The following MTCL1 variants were observed in gnomAD, a reference collection of about 807,000 sequenced individuals.
The protein encoded by MTCL1 is microtubule crosslinking factor 1.
Under a neutral mutation model 141.4 loss-of-function variants are expected in MTCL1, and 79 were observed. The ratio of observed to expected loss-of-function variants is 0.56; its 90% confidence interval spans 0.47 to 0.67. The LOEUF is 0.67. Ranked by LOEUF, MTCL1 falls within the 30% of genes least tolerant of loss-of-function variation. The pLI is 0.00. For missense variants in MTCL1, 2,177 were observed against 2,113.9 expected (o/e 1.03, Z -0.59); for synonymous variants, 914 against 875.8 (o/e 1.04, Z -0.77).
At chr18:8,776,245 G>A (rs1237735968) in intron 4 of MTCL1, among the ~76,000 whole-genome samples, 1 of 152,170 alleles carries the variant, frequency 6.6e-6, no homozygotes, top group Non-Finnish European at 1.5e-5. Context: ...GTCTGGGGCC[G>A]GCAGAGCTCT....
chr18:8,802,431 G>A (rs2076153021), intron 10 of MTCL1: 1 of 152,172 alleles, frequency 6.6e-6, no homozygotes, highest in African/African-American at 2.4e-5. Flanking sequence ...TGGTGGTTTA[G>A]CTCTTTTGTG....
chr18:8,712,038 G>A (rs1211256121), intron 1 of MTCL1, among the ~76,000 whole-genome samples: 1 of 152,122 alleles, frequency 6.6e-6, no homozygotes, highest in Non-Finnish European at 1.5e-5. Flanking sequence ...GCATTTATGA[G>A]CCTATTTTGA....
At chr18:8,726,002 A>G (rs1479225349) in intron 4 of MTCL1, among the ~76,000 whole-genome samples, 1 of 151,772 alleles carries the variant, frequency 6.6e-6, no homozygotes, top group Non-Finnish European at 1.5e-5. Context: ...CATGTTAGCC[A>G]GGATGGTCTC....
At chr18:8,794,521 C>T (rs1033006212) in intron 8 of MTCL1, among the ~76,000 whole-genome samples, 1 of 152,170 alleles carries the variant, frequency 6.6e-6, no homozygotes, top group East Asian at 1.9e-4. Context: ...TCCCGTGGTG[C>T]GGGTCCGGGT....
chr18:8,800,507 T>C (rs2076082778), intron 10 of MTCL1: 1 of 152,214 alleles, frequency 6.6e-6, no homozygotes, highest in African/African-American at 2.4e-5. Context: ...TTGGCAAACA[T>C]TTGGCTCCGC....
intron 1 of MTCL1, 58 bp downstream of exon 1, chr18:8,706,771 C>A: frequency 6.5e-7 from 1 of 1,534,528 alleles, no homozygotes; most frequent in South Asian, 1.2e-5. Context: ...CTGGCTGCGG[C>A]GGGGACCCGC....
chr18:8,761,857 T>C (rs770163858), intron 4 of MTCL1, among the ~76,000 whole-genome samples: 1 of 152,190 alleles, frequency 6.6e-6, no homozygotes, highest in Non-Finnish European at 1.5e-5. Context: ...TCTGGGTCCC[T>C]CCCACAACAT....
intron 4 of MTCL1, among the ~76,000 whole-genome samples, chr18:8,736,250 TCATG>T (rs1454799705): frequency 6.6e-6 from 1 of 152,158 alleles, no homozygotes; most frequent in Admixed American, 6.5e-5. Context: ...AAATGTGACA[TCATG>T]CATCTTAAAA....
chr18:8,829,977 C>G (rs1394677930), intron 16 of MTCL1: 1 of 985,338 alleles, frequency 1.0e-6, no homozygotes, highest in Admixed American at 6.1e-5. Context: ...CAGCACCAGC[C>G]AGGCGGAACG....
intron 12 of MTCL1, among the ~76,000 whole-genome samples, chr18:8,818,502 TG>T (rs2144342246): frequency 6.6e-6 from 1 of 152,372 alleles, no homozygotes; most frequent in East Asian, 1.9e-4. Context: ...CCACATGCCC[TG>T]GGGCTAGTTA....
At chr18:8,726,472 G>GGGGAGA (rs2096212880) in intron 4 of MTCL1, among the ~76,000 whole-genome samples, 1 of 131,594 alleles carries the variant, frequency 7.6e-6, no homozygotes, top group South Asian at 2.5e-4. Context: ...GAGAATAAGA[G>GGGGAGA]GAGAGAGAGA....
intron 1 of MTCL1, among the ~76,000 whole-genome samples, chr18:8,710,888 C>CTTTTTTTTTTTTTTTTTTTTTTTTT (rs71356255): frequency 1.2e-5 from 1 of 80,934 alleles, no homozygotes; most frequent in Non-Finnish European, 2.2e-5. Flanking sequence ...TTTTTTTTTA[C>CTTTTTTTTTTTTTTTTTTTTTTTTT]TTTTTTTTTT....
chr18:8,771,426 T>C (rs1313772162), intron 4 of MTCL1, among the ~76,000 whole-genome samples: 1 of 152,226 alleles, frequency 6.6e-6, no homozygotes, highest in Non-Finnish European at 1.5e-5. Context: ...TTCTAAATAA[T>C]AAGAATCTGT....
At chr18:8,784,129 G>T in exon 6 of MTCL1, 1 of 1,613,622 alleles carries the variant, frequency 6.2e-7, no homozygotes, top group Non-Finnish European at 8.5e-7. Flanking sequence ...AGGAGCTGAA[G>T]TCAGCCAGGC....
Position 8,738,139 on chromosome 18 carries a change from G to A in MTCL1, c.357+17643G>A, listed in dbSNP as rs1598440373. Among the ~76,000 whole-genome samples, 3 of 152,256 alleles carry A rather than the reference G, an allele frequency of 2.0e-5. 1 individual carries two copies. The highest frequency in any genetic ancestry group is 4.1e-4 in the South Asian group (2 of 4,820). On this transcript the variant is annotated intron_variant, in intron 4 of 16. Coordinates refer to ENST00000359865, the Ensembl canonical transcript of MTCL1. Reference sequence around the variant, plus strand: ...CCTTTCTGTTGGGTAGCTACGCAGTGGGGTGGGCTTCCTCTCACCGCAAAG... The same window carrying A: ...CCTTTCTGTTGGGTAGCTACGCAGTAGGGTGGGCTTCCTCTCACCGCAAAG...
chr18:8,762,776 C>G (rs959395829), intron 4 of MTCL1, among the ~76,000 whole-genome samples: 1 of 152,048 alleles, frequency 6.6e-6, no homozygotes, highest in Non-Finnish European at 1.5e-5. Context: ...GAGCCCCTCT[C>G]GGTGAGGGGC....
chr18:8,718,277 G>C, intron 2 of MTCL1, 147 bp from the exon 2 acceptor site: 1 of 740,994 alleles, frequency 1.3e-6, no homozygotes, highest in Non-Finnish European at 2.2e-6. Context: ...AGAGGTTCTG[G>C]TGCCTGTCAC....
intron 13 of MTCL1, 67 bp downstream of exon 12, chr18:8,819,326 G>A (rs771466370): frequency 6.5e-7 from 1 of 1,539,388 alleles, no homozygotes; most frequent in Non-Finnish European, 8.8e-7. Flanking sequence ...AAACCTAAGA[G>A]GCATCTGCCA....
chr18:8,789,284 CAT>C (rs2075635350), intron 7 of MTCL1: 1 of 347,062 alleles, frequency 2.9e-6, no homozygotes, highest in Non-Finnish European at 4.1e-6. Flanking sequence ...GTGTTGGCCT[CAT>C]GTACTGCTTT....
Sources: allele counts gnomAD v4.1 joint callset (sites outside exome capture counted in the v4.1 genomes callset), GRCh38; gene constraint gnomAD v4.1.1; transcripts MANE v1.5; gene names NCBI Gene and HGNC (gene_info 2026-07-23, HGNC 2026-07-21).